Variants in MDGA2 observed in about 807,000 individuals in gnomAD.
MDGA2 encodes MAM domain containing glycosylphosphatidylinositol anchor 2, also known as MAM domain-containing glycosylphosphatidylinositol anchor protein 2.
MDGA2 carries 40 observed loss-of-function variants against 117.8 expected under a neutral mutation model. The observed-to-expected ratio is 0.34, with a 90% CI of 0.26 to 0.44. The LOEUF (loss-of-function observed/expected upper bound fraction) is 0.44. MDGA2 is among the 20% of genes least tolerant of loss of function. The pLI, the probability that MDGA2 is intolerant of heterozygous loss-of-function variation, is 1.00. For synonymous variants in MDGA2, 452 were observed against 439.0 expected, an observed-to-expected ratio of 1.03 and a Z score of -0.37; for missense variants, 1,123 against 1,250.6, an observed-to-expected ratio of 0.90 and a Z score of 1.54.
intron 13 of MDGA2, 199 bp from the exon 14 acceptor site, chr14:46,873,790 T>C (rs1882112546): frequency 5.2e-6 from 3 of 575,670 alleles, no homozygotes; most frequent in Non-Finnish European, 8.3e-6. Flanking sequence ...AAATTAAAGA[T>C]AAAATGTATA....
At chr14:47,301,756 T>A (rs1343042135) in intron 1 of MDGA2, among the ~76,000 whole-genome samples, 1 of 152,182 alleles carries the variant, frequency 6.6e-6, no homozygotes, top group African/African-American at 2.4e-5. Context: ...CCAACACATT[T>A]CCAGGGGAAC....
At chr14:47,105,140 T>A (rs909180262) in intron 5 of MDGA2, among the ~76,000 whole-genome samples, 5 of 152,000 alleles carry the variant, frequency 3.3e-5, no homozygotes, top group African/African-American at 9.7e-5. Context: ...TAGCGGCAAG[T>A]CCCGCTTTCC....
At chr14:47,599,614 C>T (rs1896610430) in intron 1 of MDGA2, among the ~76,000 whole-genome samples, 1 of 152,252 alleles carries the variant, frequency 6.6e-6, no homozygotes, top group Non-Finnish European at 1.5e-5. Flanking sequence ...TTCCTGCATA[C>T]ATTTTGCGAG....
chr14:47,474,920 G>A (rs1372166669), intron 1 of MDGA2, among the ~76,000 whole-genome samples: 1 of 152,094 alleles, frequency 6.6e-6, no homozygotes, highest in African/African-American at 2.4e-5. Flanking sequence ...ACTTAGGCGT[G>A]GGTGAAGATT....
chr14:47,169,596 A>G (rs1229801634), intron 3 of MDGA2, among the ~76,000 whole-genome samples: 2 of 151,978 alleles, frequency 1.3e-5, no homozygotes, highest in African/African-American at 2.4e-5. Context: ...CTACTTACAT[A>G]TGACAAAAAG....
At chr14:47,554,677 A>G (rs114558259) in intron 1 of MDGA2, among the ~76,000 whole-genome samples, 51 of 152,318 alleles carry the variant, frequency 3.3e-4, no homozygotes, top group African/African-American at 1.2e-3. Context: ...CATTTCACCT[A>G]AGAGTCTCTG....
intron 1 of MDGA2, among the ~76,000 whole-genome samples, chr14:47,322,214 T>C (rs1247042223): frequency 6.6e-6 from 1 of 152,176 alleles, no homozygotes; most frequent in African/African-American, 2.4e-5. Context: ...CATACATTTT[T>C]AAACCTTAGC....
intron 4 of MDGA2, among the ~76,000 whole-genome samples, chr14:47,135,362 G>A (rs1882401194): frequency 6.6e-6 from 1 of 151,838 alleles, no homozygotes; most frequent in African/African-American, 2.4e-5. Flanking sequence ...ATAGATAACT[G>A]ACAAATCTCT....
chr14:47,417,524 A>C (rs1168955275), intron 1 of MDGA2, among the ~76,000 whole-genome samples: 1 of 152,132 alleles, frequency 6.6e-6, no homozygotes, highest in East Asian at 1.9e-4. Flanking sequence ...GGCTTTATCT[A>C]CTACAGCTCT....
At chr14:47,655,459 T>G (rs1897725244) in intron 1 of MDGA2, among the ~76,000 whole-genome samples, 4 of 152,194 alleles carry the variant, frequency 2.6e-5, no homozygotes. Context: ...CATTACATAA[T>G]ATCAATGACA....
At chr14:47,295,931 A>AAGATAGATAGATAGAT (rs34675658) in intron 2 of MDGA2, among the ~76,000 whole-genome samples, 10 of 132,426 alleles carry the variant, frequency 7.6e-5, no homozygotes, top group African/African-American at 1.3e-4. Context: ...GATAGATGAT[A>AAGATAGATAGATAGAT]AGATAGATAG....
At chr14:47,419,216 C>G (rs768750241) in intron 1 of MDGA2, among the ~76,000 whole-genome samples, 39 of 152,056 alleles carry the variant, frequency 2.6e-4, no homozygotes, top group Admixed American at 6.6e-5. Flanking sequence ...GGATTATAGA[C>G]TGAAGTGATA....
chr14:47,506,019 G>A (rs1894503856), intron 1 of MDGA2, among the ~76,000 whole-genome samples: 1 of 152,134 alleles, frequency 6.6e-6, no homozygotes, highest in Non-Finnish European at 1.5e-5. Context: ...GGAGAGATAA[G>A]ACATGCACAT....
intron 1 of MDGA2, among the ~76,000 whole-genome samples, chr14:47,622,889 T>C (rs1360224389): frequency 6.6e-6 from 1 of 152,170 alleles, no homozygotes; most frequent in Non-Finnish European, 1.5e-5. Flanking sequence ...AAATGAATTG[T>C]GGATGTTGAC....
chr14:47,086,080 T>A (rs1033767512), intron 6 of MDGA2, among the ~76,000 whole-genome samples: 21 of 148,894 alleles, frequency 1.4e-4, no homozygotes, highest in African/African-American at 4.5e-4. Flanking sequence ...GATTATGGAC[T>A]TTCAATGTGT....
At chr14:46,867,307 C>T (rs1330770661) in intron 14 of MDGA2, among the ~76,000 whole-genome samples, 3 of 152,072 alleles carry the variant, frequency 2.0e-5, no homozygotes, top group Admixed American at 2.0e-4. Context: ...AAACCAAACA[C>T]CGCATATTCT....
intron 1 of MDGA2, among the ~76,000 whole-genome samples, chr14:47,390,017 C>G (rs1320281962): frequency 1.3e-5 from 2 of 152,138 alleles, no homozygotes; most frequent in Non-Finnish European, 2.9e-5. Context: ...GGACAGGCCT[C>G]TTTGAGCTGC....
At chr14:47,076,116 G>A (rs1890481927) in intron 6 of MDGA2, among the ~76,000 whole-genome samples, 1 of 151,650 alleles carries the variant, frequency 6.6e-6, no homozygotes. Context: ...TATACAAATG[G>A]GTACGATTAG....
chr14:47,035,577 A>C, intron 7 of MDGA2, among the ~76,000 whole-genome samples: 1 of 152,206 alleles, frequency 6.6e-6, no homozygotes, highest in Non-Finnish European at 1.5e-5. Context: ...CTTCTCAATG[A>C]CCTGTAATAA....
Sources: allele counts gnomAD v4.1 joint callset (sites outside exome capture counted in the v4.1 genomes callset), GRCh38; gene constraint gnomAD v4.1.1; transcripts MANE v1.5; gene names NCBI Gene and HGNC (gene_info 2026-07-23, HGNC 2026-07-21).